TIMP3: variants seen among roughly 807,000 people sequenced by gnomAD.
TIMP3 encodes the protein TIMP metallopeptidase inhibitor 3.
TIMP3 carries 11 observed loss-of-function variants against 30.0 expected under a neutral mutation model. That is an observed-to-expected ratio of 0.37 (90% CI 0.23 to 0.61). The LOEUF (loss-of-function observed/expected upper bound fraction) is 0.61. TIMP3 is among the 20% of genes least tolerant of loss of function. The pLI is 0.70. For missense variants in TIMP3, 181 were observed against 276.8 expected, an observed-to-expected ratio of 0.65 and a Z score of 2.45; for synonymous variants, 112 against 111.3, an observed-to-expected ratio of 1.01 and a Z score of -0.04.
At chr22:32,817,852 G>C (rs1156474038) in intron 1 of TIMP3, among the ~76,000 whole-genome samples, 1 of 152,140 alleles carries the variant, frequency 6.6e-6, no homozygotes, top group African/African-American at 2.4e-5. Context: ...AACAGTAGGG[G>C]ACATACCGGT....
intron 1 of TIMP3, among the ~76,000 whole-genome samples, chr22:32,835,577 G>A (rs2047707401): frequency 6.6e-6 from 1 of 152,148 alleles, no homozygotes; most frequent in African/African-American, 2.4e-5. Flanking sequence ...AGGGTCTCAT[G>A]CAGATAGAAT....
intron 1 of TIMP3, among the ~76,000 whole-genome samples, chr22:32,849,020 C>T (rs1462640878): frequency 6.6e-6 from 1 of 151,992 alleles, no homozygotes; most frequent in Non-Finnish European, 1.5e-5. Context: ...AGGAAGAGCC[C>T]CAAATGAGGT....
intron 1 of TIMP3, among the ~76,000 whole-genome samples, chr22:32,831,616 TTCTCGGCATTCTTTAG>T (rs745475463): frequency 6.6e-5 from 10 of 152,216 alleles, no homozygotes; most frequent in Non-Finnish European, 1.5e-4. Flanking sequence ...AGCCCTTATC[TTCTCGGCATTCTTTAG>T]AATTCTTCTG....
Position 32,802,121 on chromosome 22 carries a change from C to T in TIMP3, c.120C>T (p.Ile40=), listed in dbSNP as rs2145931593. The T allele has an allele frequency of 6.3e-7, 1 of 1,581,968 alleles. No individual in the cohort carries two copies. The highest frequency in any genetic ancestry group is 8.5e-7 in the Non-Finnish European group (1 of 1,169,898). Residue 40 remains isoleucine, a splice_region_variant and synonymous_variant, in exon 1 of 5, where the codon ATC becomes ATT. Coordinates refer to ENST00000266085, the MANE Select transcript of TIMP3 (RefSeq NM_000362.5). ...HPQDAFCNSD[I]VIRAKVVGKK... Reference sequence around the variant, plus strand: ...AGGACGCCTTCTGCAACTCCGACATCGGTAAGCGCTCCTGGTGCCCCGCCC... The same window carrying T: ...AGGACGCCTTCTGCAACTCCGACATTGGTAAGCGCTCCTGGTGCCCCGCCC...
rs1226724143 is a variant in TIMP3 at position 32,858,090 on chromosome 22, C to T, written c.390C>T (p.Ser130=). Residue 130 remains serine, a synonymous_variant, in exon 4 of 5, where the codon TCC becomes TCT. Coordinates refer to ENST00000266085, the MANE Select transcript of TIMP3 (RefSeq NM_000362.5). ...FVERWDQLTL[S]QRKGLNYRYH... is the part of the protein sequence containing the mutation. ...AGAGGTGGGACCAGCTCACCCTCTC[C>T]CAGCGCAAGGGGCTGAACTATCGGT... 2 of 1,614,060 alleles carry T rather than the reference C, an allele frequency of 1.2e-6. No homozygotes were observed. Among genetic ancestry groups the T allele is most frequent in the Admixed American group, 1.7e-5 (1 of 59,998 alleles).
At chr22:32,851,703 C>A (rs1380080770) in intron 2 of TIMP3, among the ~76,000 whole-genome samples, 1 of 152,308 alleles carries the variant, frequency 6.6e-6, no homozygotes, top group East Asian at 1.9e-4. Context: ...GCTGAGGCAT[C>A]GGAATTTCTT....
At chr22:32,828,395 C>G (rs141528124) in intron 1 of TIMP3, among the ~76,000 whole-genome samples, 300 of 152,336 alleles carry the variant, frequency 2.0e-3, no homozygotes, top group African/African-American at 6.7e-3. Flanking sequence ...CTAAAAAATT[C>G]TGCCATCTGC....
chr22:32,837,486 C>T lies in TIMP3; in HGVS notation c.122-11966C>T, dbSNP rs1441593939. 2.0e-5 allele frequency among the ~76,000 whole-genome samples: 3 copies of T among 152,078 alleles called. No individual in the cohort carries two copies. Among genetic ancestry groups the T allele is most frequent in the Admixed American group, 6.5e-5 (1 of 15,278 alleles). On this transcript the variant is annotated intron_variant, in intron 1 of 4. Coordinates refer to ENST00000266085, the MANE Select transcript of TIMP3 (RefSeq NM_000362.5). The surrounding 1 kb of genome is among the most constrained non-coding windows in gnomAD (Gnocchi z 4.1). ...AGATGCCCAGCCAAAACACCCAGGG[C>T]GAAACCACTCCAAGAGGTGAAAGGG...
intron 1 of TIMP3, among the ~76,000 whole-genome samples, chr22:32,848,877 CTA>C (rs71649397): frequency 0.071 from 10,870 of 152,248 alleles, 624 homozygotes; most frequent in African/African-American, 0.16. Context: ...AGCTCAGACT[CTA>C]TTGCATCCCT....
intron 1 of TIMP3, among the ~76,000 whole-genome samples, chr22:32,809,059 T>C (rs2046841478): frequency 6.6e-6 from 1 of 152,192 alleles, no homozygotes; most frequent in South Asian, 2.1e-4. Flanking sequence ...ATCACAAACA[T>C]AATACTGTAA....
At chr22:32,831,438 T>C (rs1012623620) in intron 1 of TIMP3, among the ~76,000 whole-genome samples, 5 of 152,140 alleles carry the variant, frequency 3.3e-5, no homozygotes, top group African/African-American at 9.7e-5. Context: ...CAAAGCCAGA[T>C]GATCAGGGCA....
At chr22:32,817,249 T>C (rs1036012808) in intron 1 of TIMP3, among the ~76,000 whole-genome samples, 5 of 151,926 alleles carry the variant, frequency 3.3e-5, no homozygotes, top group Non-Finnish European at 5.9e-5. Context: ...GGGAGAGCTG[T>C]TTATTGTATT....
chr22:32,828,357 G>C (rs2047475061), intron 1 of TIMP3, among the ~76,000 whole-genome samples: 1 of 152,218 alleles, frequency 6.6e-6, no homozygotes, highest in Non-Finnish European at 1.5e-5. Flanking sequence ...TTGATGTGAA[G>C]TAGCAAATCT....
At chr22:32,842,321 G>T (rs2146203047) in intron 1 of TIMP3, among the ~76,000 whole-genome samples, 1 of 152,224 alleles carries the variant, frequency 6.6e-6, no homozygotes, top group African/African-American at 2.4e-5. Context: ...GGGAATCAGA[G>T]GGACCCAGTC....
chr22:32,813,079 T>C (rs905979846), intron 1 of TIMP3, among the ~76,000 whole-genome samples: 6 of 152,344 alleles, frequency 3.9e-5, no homozygotes, highest in Admixed American at 1.3e-4. Flanking sequence ...CCATGCCATG[T>C]CACAAACCCA....
rs2048513590 is a variant in TIMP3 at position 32,860,815 on chromosome 22, G to C, written c.*1438G>C. The stretch of plus-strand genomic sequence containing the variant: ...GTTCCCTTTCCCTAGCTCCCTGGTG[G>C]GTGAATGCCACCTCCTGAGATCCTC... On this transcript the variant is annotated 3_prime_UTR_variant, in exon 5 of 5. Coordinates refer to ENST00000266085, the MANE Select transcript of TIMP3 (RefSeq NM_000362.5). 6.6e-6 allele frequency: 1 copy of C among 151,884 alleles called. No homozygotes were observed. The highest frequency in any genetic ancestry group is 2.1e-4 in the South Asian group (1 of 4,818). The allele number at this position is 151,884 out of a possible 1,614,324, so 9.4% of individuals were successfully genotyped here.
chr22:32,852,931 C>T (rs141901916), intron 2 of TIMP3, among the ~76,000 whole-genome samples: 557 of 152,260 alleles, frequency 3.7e-3, no homozygotes, highest in Non-Finnish European at 5.2e-3. Context: ...GTTTATGTAG[C>T]GGAGACATGC....
intron 4 of TIMP3, among the ~76,000 whole-genome samples, chr22:32,858,685 C>T (rs933225922): frequency 1.3e-5 from 2 of 152,108 alleles, no homozygotes; most frequent in African/African-American, 2.4e-5. Flanking sequence ...CAAAACAGTC[C>T]TGTGTGGTTT....
intron 1 of TIMP3, among the ~76,000 whole-genome samples, chr22:32,816,972 C>T (rs1473530016): frequency 6.6e-6 from 1 of 152,024 alleles, no homozygotes; most frequent in Non-Finnish European, 1.5e-5. Context: ...TATAACCCCA[C>T]CTTGGGAGGC....
Sources: gnomAD v4.1 joint callset for allele counts (sites outside exome capture counted in the v4.1 genomes callset) on GRCh38, gnomAD v4.1.1 for gene constraint, Gnocchi (gnomAD v3.1) non-coding constraint, MANE v1.5 for transcripts, NCBI Gene and HGNC (gene_info 2026-07-23, HGNC 2026-07-21) for gene names.